GPD1: variants seen among roughly 807,000 people sequenced by gnomAD.
The protein encoded by GPD1 is glycerol-3-phosphate dehydrogenase [NAD(+)], cytoplasmic.
A neutral mutation model predicts 34.4 loss-of-function variants in GPD1; 19 were observed. The observed-to-expected ratio is 0.55, with a 90% CI of 0.39 to 0.81. GPD1 has a LOEUF of 0.81. Ranked by LOEUF, GPD1 falls within the 30% of genes least tolerant of loss-of-function variation. The probability of loss-of-function intolerance (pLI) is 0.00; values close to 1 mark genes in which losing one functional copy is unlikely to be tolerated. For missense variants in GPD1, 429 were observed against 447.0 expected (o/e 0.96, Z 0.36); for synonymous variants, 172 against 174.1 (o/e 0.99, Z 0.09).
intron 3 of GPD1, chr12:50,105,969 G>C (rs930579219): frequency 3.0e-6 from 2 of 664,196 alleles, no homozygotes; most frequent in Non-Finnish European, 5.5e-6. Context: ...GGGCTGGTTT[G>C]AGAAGTGTGA....
In GPD1 at chr12:50,109,487, C is replaced by G. The variant is rs759637845; in HGVS notation, c.1018C>G (p.His340Asp). 1.3e-6 allele frequency: 2 copies of G among 1,576,312 alleles called. No homozygotes were observed. Among genetic ancestry groups the G allele is most frequent in the African/African-American group, 2.7e-5 (2 of 74,346 alleles). ...YEGQPVGEFI[H>D]CLQNHPEHM ...GGGCCAGCCAGTGGGTGAATTCATC[C>G]ACTGCCTGCAGAATCATCCAGAACA... The change falls in exon 8 of 8, where the codon CAC becomes GAC. Residue 340 changes from histidine to aspartate, a missense_variant. By Grantham distance (81) the His-to-Asp change is moderately conservative. Coordinates refer to ENST00000301149, the MANE Select transcript of GPD1 (RefSeq NM_005276.4).
chr12:50,105,989 G>C (rs1203063201), intron 3 of GPD1: 4 of 643,140 alleles, frequency 6.2e-6, no homozygotes, highest in Admixed American at 4.5e-5. Flanking sequence ...AAGAGTAGCT[G>C]GTTTGGAGCA....
In GPD1 at chr12:50,107,711, T is replaced by C; in HGVS notation, c.757T>C (p.Leu253=). 2 of 1,614,062 alleles carry C rather than the reference T, an allele frequency of 1.2e-6. No individual in the cohort carries two copies. The highest frequency in any genetic ancestry group is 1.7e-6 in the Non-Finnish European group (2 of 1,179,970). ...TGGCCCTGTGTCCTCTGCCACCTTC[T>C]TGGAGAGCTGTGGTGTTGCTGACCT... The part of the protein sequence containing the change: ...CSGPVSSATF[L]ESCGVADLIT... Residue 253 remains leucine, a synonymous_variant, in exon 6 of 8, where the codon TTG becomes CTG. Coordinates refer to ENST00000301149, the MANE Select transcript of GPD1 (RefSeq NM_005276.4).
rs768754769 is a variant in GPD1 at position 50,105,547 on chromosome 12, G to A, written c.220-1G>A. The stretch of plus-strand genomic sequence containing the variant: ...CCGCGAGCACTTGGTCACCCCCACA[G>A]GTGGCTGTCCCAGATGTGGTCCAGG... On this transcript the variant is annotated splice_acceptor_variant, in intron 2 of 7. Transcript: ENST00000301149. LOFTEE classifies it high-confidence loss of function. 3.7e-6 allele frequency: 6 copies of A among 1,611,148 alleles called. No individual in the cohort carries two copies. In the Admixed American group the frequency reaches 6.7e-5, roughly 18 times the overall value.
intron 5 of GPD1, 96 bp downstream of exon 5, chr12:50,107,013 T>C (rs767768012): frequency 2.6e-6 from 2 of 767,046 alleles, no homozygotes; most frequent in South Asian, 2.9e-5. Flanking sequence ...AGGCTCTCAC[T>C]ATTGAGCAGT....
At position 50,107,621 on chromosome 12, in the gene GPD1, A is replaced by T; in HGVS notation, c.667A>T (p.Thr223Ser). The change falls in exon 6 of 8, where the codon ACC (threonine) becomes TCC (serine). Residue 223 changes from threonine (T) to serine (S), a missense_variant. Transcript: ENST00000301149. ...FCDGLGFGDN[T>S]KAAVIRLGLM... is the part of the protein sequence containing the mutation. ...TGATGGCCTGGGCTTTGGCGACAAC[A>T]CCAAGGCGGCAGTGATCCGGCTGGG... 6.2e-7 allele frequency: 1 copy of T among 1,613,996 alleles called. No homozygotes were observed. The highest frequency in any genetic ancestry group is 2.2e-5 in the East Asian group (1 of 44,888).
Position 50,106,398 on chromosome 12 carries a change from T to C in GPD1, c.471T>C (p.Ala157=). ...LMGANIASEV[A]DEKFCETTIG... ...GGGCCAACATTGCCAGCGAGGTGGC[T>C]GATGAGAAGTTCTGTGAGACAACCA... The change falls in exon 4 of 8, where the codon GCT becomes GCC. Residue 157 remains alanine, a synonymous_variant. Coordinates refer to ENST00000301149, the MANE Select transcript of GPD1 (RefSeq NM_005276.4). 1 of 1,613,618 alleles carries C rather than the reference T, an allele frequency of 6.2e-7. No homozygotes were observed. The highest frequency in any genetic ancestry group is 1.1e-5 in the South Asian group (1 of 91,060).
At chr12:50,104,241 G>A (rs929244197) in intron 1 of GPD1, 150 bp downstream of exon 1, 3 of 805,664 alleles carry the variant, frequency 3.7e-6, no homozygotes, top group East Asian at 2.6e-5. Context: ...GACGGTGCCC[G>A]GCCCTCTCCT....
At chr12:50,106,743 A>G (rs1950981263) in intron 4 of GPD1, 62 bp from the exon 5 acceptor site, 11 of 966,894 alleles carry the variant, frequency 1.1e-5, no homozygotes, top group South Asian at 1.0e-4. Context: ...TCCCATCTCT[A>G]TAAAATAAAT....
In GPD1 at chr12:50,111,231, T is replaced by G. The variant is rs1184427142; in HGVS notation, c.*1712T>G. 1 of 152,166 alleles carries G rather than the reference T, an allele frequency of 6.6e-6. No homozygotes were observed. Among genetic ancestry groups the G allele is most frequent in the Non-Finnish European group, 1.5e-5 (1 of 68,038 alleles). The allele number at this position is 152,166 out of a possible 1,614,324, so 9.4% of individuals were successfully genotyped here. A position where few individuals can be genotyped will look rare whatever the true frequency, so the allele number is the denominator to read the frequency against. The stretch of plus-strand genomic sequence containing the variant: ...GAAGCTTCAAGCACTTTGCCTACTT[T>G]TGTTCACTCCCCAGTGCACTGTGAC... On this transcript the variant is annotated 3_prime_UTR_variant, in exon 8 of 8. Coordinates refer to ENST00000301149, the MANE Select transcript of GPD1 (RefSeq NM_005276.4). The surrounding 1 kb of genome is among the most constrained non-coding windows in gnomAD (Gnocchi z 4.1).
intron 4 of GPD1, 38 bp from the exon 5 acceptor site, chr12:50,106,767 A>G: frequency 8.8e-7 from 1 of 1,133,118 alleles, no homozygotes; most frequent in Non-Finnish European, 1.3e-6. Context: ...TTTTAAAAAG[A>G]GTCCTTCCCT....
At chr12:50,105,737 G>A (rs747240991) in intron 3 of GPD1, 49 bp downstream of exon 3, 3 of 1,591,986 alleles carry the variant, frequency 1.9e-6, no homozygotes, top group South Asian at 2.2e-5. Context: ...GCTCACTGTT[G>A]TGGGGTTCAG....
rs201892632 is a variant in GPD1, at chr12:50,104,045, G to A, written c.-6G>A. 6.7e-5 allele frequency: 108 copies of A among 1,614,064 alleles called. No individual in the cohort carries two copies. The East Asian group carries it at 9.4e-4, about 14-fold the overall frequency. Reference sequence around the variant, plus strand: ...ACTGAGCCGGCTCAGGCAGAGACGCGGCACCATGGCTAGCAAGAAAGTCTG... The same window carrying A: ...ACTGAGCCGGCTCAGGCAGAGACGCAGCACCATGGCTAGCAAGAAAGTCTG... On this transcript the variant is annotated 5_prime_UTR_variant, in exon 1 of 8. Transcript: ENST00000301149.
In GPD1 at chr12:50,109,612, C is replaced by G; in HGVS notation, c.*93C>G. The G allele has an allele frequency of 1.4e-6, 1 of 723,884 alleles. No homozygotes were observed. The highest frequency in any genetic ancestry group is 2.5e-6 in the Non-Finnish European group (1 of 393,796). 44.8% of individuals were successfully genotyped at this position (723,884 alleles called of 1,614,324 possible). On this transcript the variant is annotated 3_prime_UTR_variant, in exon 8 of 8. Transcript: ENST00000301149. ...TAGTCACCAGGATCTCCAGGACTCC[C>G]AGGGAGCAGAGTCTTCTCATCTTTT...
rs536117175 is a variant in GPD1 at position 50,106,936 on chromosome 12, C to T, written c.612+19C>T. 4.8e-6 allele frequency: 7 copies of T among 1,461,690 alleles called. No homozygotes were observed. In the African/African-American group the frequency reaches 6.9e-5, roughly 14 times the overall value. The allele number at this position is 1,461,690 out of a possible 1,614,324, so 90.5% of individuals were successfully genotyped here. The stretch of plus-strand genomic sequence containing the variant: ...CTTAAAGGTGAGAGGGGCACAGAGG[C>T]AGCTATGGGGTGAGGAGAAGGCCCC... On this transcript the variant is annotated intron_variant, in intron 5 of 7. Transcript: ENST00000301149.
At chr12:50,104,124 G>A (rs1369575028) in intron 1 of GPD1, 33 bp downstream of exon 1, 1 of 1,602,834 alleles carries the variant, frequency 6.2e-7, no homozygotes. Context: ...ATGGGGGAAG[G>A]GTAGGCCCCC....
rs745796324 is a variant in GPD1, at chr12:50,104,688, GATC to G, written c.161_163del (p.Ile54del). 2 of 1,614,148 alleles carry G rather than the reference GATC, an allele frequency of 1.2e-6. No homozygotes were observed. The highest frequency in any genetic ancestry group is 1.7e-5 in the Admixed American group (1 of 60,036). On this transcript the variant is annotated inframe_deletion, in exon 2 of 8. Transcript: ENST00000301149. ...ACATTGGAGGCAAAAAGCTGACTGAGATCATCAACACGCAGCATGAGAATGTCA... is the reference window on the plus strand; with the variant it reads ...ACATTGGAGGCAAAAAGCTGACTGAGATCAACACGCAGCATGAGAATGTCA...
At chr12:50,106,551 T>C in intron 4 of GPD1, 125 bp downstream of exon 4, 1 of 957,302 alleles carries the variant, frequency 1.0e-6, no homozygotes, top group South Asian at 1.5e-5. Context: ...GCATCAGAGG[T>C]GAAGGAGGCT....
Position 50,106,869 on chromosome 12 carries a change from C to T in GPD1, c.564C>T (p.Ile188=), listed in dbSNP as rs752754133. 8 of 1,613,504 alleles carry T rather than the reference C, an allele frequency of 5.0e-6. No homozygotes were observed. Among genetic ancestry groups the T allele is most frequent in the South Asian group, 4.4e-5 (4 of 91,074 alleles). ...TGATGCAGACACCAAACTTCCGTAT[C>T]ACAGTGGTGCAAGAGGTGGACACAG... is the stretch of plus-strand genomic sequence containing the variant. ...KELMQTPNFR[I]TVVQEVDTVE... The change falls in exon 5 of 8, where the codon ATC becomes ATT. Residue 188 remains isoleucine, a synonymous_variant. Transcript: ENST00000301149.
Sources: gnomAD v4.1 joint callset for allele counts on GRCh38, gnomAD v4.1.1 for gene constraint, Gnocchi (gnomAD v3.1) non-coding constraint, MANE v1.5 for transcripts, NCBI Gene and HGNC (gene_info 2026-07-23, HGNC 2026-07-21) for gene names.